The following MTHFD1L variants were observed in gnomAD, a reference collection of about 807,000 sequenced individuals.
MTHFD1L encodes the protein monofunctional C1-tetrahydrofolate synthase, mitochondrial.
Under a neutral mutation model 119.5 loss-of-function variants are expected in MTHFD1L, and 81 were observed. The observed-to-expected ratio is 0.68, with a 90% confidence interval of 0.57 to 0.82. The LOEUF is 0.82. Among genes scored for constraint, MTHFD1L ranks in the 40% least tolerant of loss-of-function variants. The probability of loss-of-function intolerance (pLI) is 0.00; values close to 1 mark genes in which losing one functional copy is unlikely to be tolerated. For synonymous variants in MTHFD1L, 430 were observed against 475.2 expected, an observed-to-expected ratio of 0.90 and a Z score of 1.24; for missense variants, 1,125 against 1,253.4, an observed-to-expected ratio of 0.90 and a Z score of 1.55.
chr6:150,928,660 G>A, intron 11 of MTHFD1L, among the ~76,000 whole-genome samples: 1 of 151,314 alleles, frequency 6.6e-6, no homozygotes, highest in East Asian at 2.0e-4. Context: ...TTGTGCCTCA[G>A]CTTCCCAAGT....
At chr6:151,048,263 C>T (rs978567110) in intron 26 of MTHFD1L, among the ~76,000 whole-genome samples, 3 of 152,138 alleles carry the variant, frequency 2.0e-5, no homozygotes, top group Admixed American at 1.3e-4. Flanking sequence ...CTCCATTTCT[C>T]TTTCAAGCAC....
At chr6:150,999,025 G>A (rs1780236579) in intron 20 of MTHFD1L, among the ~76,000 whole-genome samples, 1 of 142,628 alleles carries the variant, frequency 7.0e-6, no homozygotes, top group South Asian at 2.2e-4. Context: ...TATAGTTTAG[G>A]CTATGTCTAT....
intron 15 of MTHFD1L, 145 bp from the exon 16 acceptor site, chr6:150,948,886 C>T (rs911829853): frequency 2.5e-5 from 15 of 608,898 alleles, no homozygotes; most frequent in Non-Finnish European, 3.7e-5. Flanking sequence ...GGTGATCTGC[C>T]CACCTTGGCT....
chr6:151,086,564 C>G (rs1584436784), intron 26 of MTHFD1L, among the ~76,000 whole-genome samples: 1 of 152,194 alleles, frequency 6.6e-6, no homozygotes, highest in Non-Finnish European at 1.5e-5. Flanking sequence ...GGGTCTGGCT[C>G]TGTTGCTCAG....
chr6:150,899,605 A>G (rs908261754), intron 7 of MTHFD1L, among the ~76,000 whole-genome samples: 1 of 152,226 alleles, frequency 6.6e-6, no homozygotes, highest in African/African-American at 2.4e-5. Context: ...ACAGATTCAT[A>G]GCTACAAAGC....
chr6:150,920,839 C>G (rs1459540220), intron 9 of MTHFD1L, among the ~76,000 whole-genome samples: 2 of 151,960 alleles, frequency 1.3e-5, no homozygotes, highest in Non-Finnish European at 2.9e-5. Flanking sequence ...GTGGCACGAT[C>G]TCAGCTCACT....
At position 151,038,491 on chromosome 6, in the gene MTHFD1L, A is replaced by G. The variant is rs191696388; in HGVS notation, c.2847+1374A>G. The stretch of plus-strand genomic sequence containing the variant: ...CACATGGCCAAGGATCTTGAAGACC[A>G]TCTCATGGAACTTGAATCTGATCTC... On this transcript the variant is annotated intron_variant, in intron 26 of 27. Coordinates refer to ENST00000367321, the MANE Select transcript of MTHFD1L (RefSeq NM_015440.5). 7.5e-3 allele frequency among the ~76,000 whole-genome samples: 1,146 copies of G among 151,858 alleles called. 16 individuals carry two copies. The highest frequency in any genetic ancestry group is 0.026 in the African/African-American group (1,085 of 41,364).
intron 11 of MTHFD1L, among the ~76,000 whole-genome samples, 190 bp from the exon 12 acceptor site, chr6:150,936,614 G>A (rs1354596256): frequency 6.6e-6 from 1 of 152,178 alleles, no homozygotes; most frequent in African/African-American, 2.4e-5. Flanking sequence ...TGGTAAAGGT[G>A]TGTCTGTATC....
intron 27 of MTHFD1L, among the ~76,000 whole-genome samples, chr6:151,098,291 G>A (rs1795059424): frequency 6.6e-6 from 1 of 152,154 alleles, no homozygotes; most frequent in South Asian, 2.1e-4. Context: ...CTGTGAACAT[G>A]ATTTGTTCAG....
At chr6:150,938,118 A>G (rs1439864956) in intron 12 of MTHFD1L, among the ~76,000 whole-genome samples, 2 of 152,168 alleles carry the variant, frequency 1.3e-5, no homozygotes, top group Non-Finnish European at 1.5e-5. Context: ...CCCAGTTTCA[A>G]GTGATTCTCC....
At chr6:151,028,993 C>T (rs958984104) in intron 24 of MTHFD1L, among the ~76,000 whole-genome samples, 1 of 152,004 alleles carries the variant, frequency 6.6e-6, no homozygotes, top group Non-Finnish European at 1.5e-5. Context: ...ATCACTTGAG[C>T]CCAGGAAGTT....
At chr6:150,882,959 C>A in intron 5 of MTHFD1L, 73 bp downstream of exon 5, 1 of 1,341,422 alleles carries the variant, frequency 7.5e-7, no homozygotes, top group Non-Finnish European at 1.0e-6. Context: ...TTTTATTTTT[C>A]TAAATTTCTT....
At chr6:150,922,122 A>G (rs757937014) in intron 9 of MTHFD1L, 83 bp from the exon 10 acceptor site, 1 of 999,222 alleles carries the variant, frequency 1.0e-6, no homozygotes, top group Non-Finnish European at 1.6e-6. Flanking sequence ...TGTAACATCC[A>G]CAAACAATAT....
intron 13 of MTHFD1L, among the ~76,000 whole-genome samples, chr6:150,940,291 G>A (rs560466195): frequency 2.3e-4 from 35 of 152,262 alleles, no homozygotes; most frequent in African/African-American, 8.2e-4. Context: ...CTGAGTGTCA[G>A]GGAAGCTAAA....
At position 150,877,816 on chromosome 6, in the gene MTHFD1L, G is replaced by A. The variant is rs1780701279; in HGVS notation, c.407G>A (p.Ser136Asn). 1 of 1,614,234 alleles carries A rather than the reference G, an allele frequency of 6.2e-7. No homozygotes were observed. The highest frequency in any genetic ancestry group is 8.5e-7 in the Non-Finnish European group (1 of 1,180,052). Residue 136 changes from serine to asparagine, a missense_variant, in exon 4 of 28, where the codon AGT becomes AAT. Transcript: ENST00000367321. ...CACATTTGCCTCCCTCCAGATAGCAGTGAAGCCGAGGTAATAATGGCAGAG... is the reference window on the plus strand; with the variant it reads ...CACATTTGCCTCCCTCCAGATAGCAATGAAGCCGAGGTAATAATGGCAGAG... ...ITHICLPPDS[S>N]EAEIIDEILK...
intron 15 of MTHFD1L, among the ~76,000 whole-genome samples, chr6:150,946,654 T>C (rs1793992861): frequency 6.6e-6 from 1 of 152,156 alleles, no homozygotes; most frequent in Non-Finnish European, 1.5e-5. Context: ...TATTAAGTGG[T>C]TTTAAAAATT....
intron 26 of MTHFD1L, among the ~76,000 whole-genome samples, chr6:151,047,569 T>G (rs1788288124): frequency 6.6e-6 from 1 of 152,196 alleles, no homozygotes; most frequent in African/African-American, 2.4e-5. Context: ...CCATTTGTAA[T>G]GAAGGTACCG....
Position 150,986,190 on chromosome 6 carries a change from A to C in MTHFD1L, c.2125+14132A>C, listed in dbSNP as rs530516563. On this transcript the variant is annotated intron_variant, in intron 20 of 27. Transcript: ENST00000367321. ...ACACAGTGAATTTGATCTTTACTCT[A>C]AATTCTTTTCCTTTAATGAAAGTGC... 5.9e-5 allele frequency among the ~76,000 whole-genome samples: 9 copies of C among 152,314 alleles called. No individual in the cohort carries two copies. In the South Asian group the frequency reaches 1.0e-3, roughly 18 times the overall value.
Position 150,940,550 on chromosome 6 carries a change from C to T in MTHFD1L, c.1440+1805C>T, listed in dbSNP as rs114507764. The stretch of plus-strand genomic sequence containing the variant: ...TCCCGCTGGTTTAGGGCATCAGCTG[C>T]GTGGCTTGGAGGAGAGAGCTACTTT... On this transcript the variant is annotated intron_variant, in intron 13 of 27. Transcript: ENST00000367321. Among the ~76,000 whole-genome samples the T allele has an allele frequency of 3.0e-3, 458 of 151,696 alleles. 2 individuals are homozygous for T. Among genetic ancestry groups the T allele is most frequent in the African/African-American group, 0.011 (443 of 41,232 alleles).
Sources: gnomAD v4.1 joint callset for allele counts (sites outside exome capture counted in the v4.1 genomes callset) on GRCh38, gnomAD v4.1.1 for gene constraint, MANE v1.5 for transcripts, NCBI Gene and HGNC (gene_info 2026-07-23, HGNC 2026-07-21) for gene names.